BAHCC1: variants seen among roughly 807,000 people sequenced by gnomAD.
The protein encoded by BAHCC1 is BAH domain and coiled-coil containing 1.
BAHCC1 carries 43 observed loss-of-function variants against 88.2 expected under a neutral mutation model. The ratio of observed to expected loss-of-function variants is 0.49; its 90% CI spans 0.38 to 0.63. The LOEUF is 0.63. Among genes scored for constraint, BAHCC1 ranks in the 20% least tolerant of loss-of-function variants. BAHCC1 has a pLI of 0.00. For synonymous variants in BAHCC1, 1,510 were observed against 745.5 expected (o/e 2.03, Z -16.71); for missense variants, 3,023 against 1,654.8 (o/e 1.83, Z -14.34).
At chr17:81,419,931 C>T (rs2064095935) in intron 2 of BAHCC1, among the ~76,000 whole-genome samples, 1 of 152,160 alleles carries the variant, frequency 6.6e-6, no homozygotes, top group South Asian at 2.1e-4. Flanking sequence ...GCCCTGCCGT[C>T]CTCTTGTTCC....
Position 81,399,128 on chromosome 17 carries a change from AGTGTGTGT to A in BAHCC1, c.-206-388_-206-381del, listed in dbSNP as rs375191474. On this transcript the variant is annotated intron_variant, in intron 1 of 27. Coordinates refer to ENST00000675386, the MANE Select transcript of BAHCC1 (RefSeq NM_001377448.1). This position sits in a 1 kb window ranked among gnomAD's most constrained non-coding sequence, Gnocchi z 4.5. ...GGGGAGGGGAGAGGGTGTGCGTGTGAGTGTGTGTGTGTGTGTGTGTGTGTGCGAGTGTG... is the reference window on the plus strand; with the variant it reads ...GGGGAGGGGAGAGGGTGTGCGTGTGAGTGTGTGTGTGTGTGTGCGAGTGTG... 2.1e-3 allele frequency: 488 copies of A among 231,516 alleles called. No homozygotes were observed. The highest frequency in any genetic ancestry group is 4.0e-3 in the African/African-American group (152 of 38,192). The allele number at this position is 231,516 out of a possible 1,614,324, so 14.3% of individuals were successfully genotyped here. A position where few individuals can be genotyped will look rare whatever the true frequency, so the allele number is the denominator to read the frequency against.
At chr17:81,401,473 A>G (rs2063816146) in intron 2 of BAHCC1, 1 of 152,696 alleles carries the variant, frequency 6.5e-6, no homozygotes, top group African/African-American at 2.4e-5. Flanking sequence ...ATTTAAAAAT[A>G]TCTCTTCTGC....
intron 2 of BAHCC1, chr17:81,406,843 G>A (rs1555646984): frequency 4.4e-6 from 2 of 455,892 alleles, no homozygotes; most frequent in African/African-American, 4.0e-5. Flanking sequence ...CTCGGGTCTG[G>A]TGGGGAGGCG....
intron 16 of BAHCC1, among the ~76,000 whole-genome samples, chr17:81,456,886 G>A (rs1488447473): frequency 2.6e-5 from 4 of 152,022 alleles, no homozygotes; most frequent in African/African-American, 7.3e-5. Context: ...CCCTCTCAAC[G>A]GCCCCAGCCC....
chr17:81,423,333 G>T (rs1487888062), intron 2 of BAHCC1, among the ~76,000 whole-genome samples: 1 of 152,224 alleles, frequency 6.6e-6, no homozygotes, highest in Admixed American at 6.5e-5. Flanking sequence ...TGCCAGGGCC[G>T]TGCAGGGCAG....
intron 26 of BAHCC1, among the ~76,000 whole-genome samples, chr17:81,462,344 T>C (rs2030372766): frequency 6.6e-6 from 1 of 152,206 alleles, no homozygotes; most frequent in African/African-American, 2.4e-5. Flanking sequence ...ATAAGTGGCG[T>C]GGCCAGCTGG....
Position 81,460,341 on chromosome 17 carries a change from A to C in BAHCC1, c.5970A>C (p.Thr1990=), listed in dbSNP as rs140985022. 3,302 of 776,234 alleles carry C rather than the reference A, an allele frequency of 4.3e-3. 107 individuals are homozygous for C. In the African/African-American group the frequency reaches 0.049, roughly 11 times the overall value. 48.1% of individuals were successfully genotyped at this position (776,234 alleles called of 1,614,324 possible). A position where few individuals can be genotyped will look rare whatever the true frequency, so the allele number is the denominator to read the frequency against. The stretch of plus-strand genomic sequence containing the variant: ...TGGTGGAATTTGACGATGGGGATAC[A>C]GGCCACATCGCCGTCTCCAACGTCA... ...SVVVEFDDGD[T]GHIAVSNVRL... Residue 1990 remains threonine, a synonymous_variant, in exon 24 of 28, where the codon ACA becomes ACC. Transcript: ENST00000675386.
intron 2 of BAHCC1, among the ~76,000 whole-genome samples, chr17:81,404,017 T>A (rs1555646494): frequency 6.6e-6 from 1 of 152,264 alleles, no homozygotes; most frequent in Non-Finnish European, 1.5e-5. Flanking sequence ...AGAACGGCGT[T>A]GTGCAAATAG....
chr17:81,456,631 G>T, intron 16 of BAHCC1, 46 bp downstream of exon 16: 1 of 671,186 alleles, frequency 1.5e-6, no homozygotes, highest in Non-Finnish European at 2.7e-6. Flanking sequence ...CCCGGTCATG[G>T]TCGCTCGGGG....
chr17:81,450,651 C>T (rs782352096), intron 11 of BAHCC1, among the ~76,000 whole-genome samples: 1 of 152,198 alleles, frequency 6.6e-6, no homozygotes. Flanking sequence ...GTTCAGAGAC[C>T]GGGCAGGGGC....
chr17:81,426,952 C>G lies in BAHCC1; in HGVS notation c.331C>G (p.Gln111Glu), dbSNP rs2064207566. 1 of 398,644 alleles carries G rather than the reference C, an allele frequency of 2.5e-6. No homozygotes were observed. The highest frequency in any genetic ancestry group is 4.4e-6 in the Non-Finnish European group (1 of 226,164). The allele number at this position is 398,644 out of a possible 1,614,324, so 24.7% of individuals were successfully genotyped here. A position where few individuals can be genotyped will look rare whatever the true frequency, so the allele number is the denominator to read the frequency against. Residue 111 changes from glutamine (Q) to glutamate (E), a missense_variant, in exon 3 of 28, where the codon CAG (glutamine) becomes GAG (glutamate). Transcript: ENST00000675386. ...CCGTGGCTCCCACCCCACCACCTCCCAGATCTGGTTCTCCCACTCCCACGA... is the reference window on the plus strand; with the variant it reads ...CCGTGGCTCCCACCCCACCACCTCCGAGATCTGGTTCTCCCACTCCCACGA... Reference protein sequence around the residue: ...AYRGSHPTTSQIWFSHSHEAP... With the variant: ...AYRGSHPTTSEIWFSHSHEAP...
At chr17:81,429,843 C>A (rs1159360018) in intron 3 of BAHCC1, among the ~76,000 whole-genome samples, 6 of 152,200 alleles carry the variant, frequency 3.9e-5, no homozygotes, top group African/African-American at 1.4e-4. Context: ...CCCAGGAACC[C>A]CCCATGCCAA....
chr17:81,442,792 C>T lies in BAHCC1; in HGVS notation c.1443C>T (p.Pro481=), dbSNP rs781914861. The T allele has an allele frequency of 3.6e-5, 28 of 779,418 alleles. No homozygotes were observed. Among genetic ancestry groups the T allele is most frequent in the Admixed American group, 6.8e-5 (4 of 59,020 alleles). The allele number at this position is 779,418 out of a possible 1,614,324, so 48.3% of individuals were successfully genotyped here. A position where few individuals can be genotyped will look rare whatever the true frequency, so the allele number is the denominator to read the frequency against. Residue 481 remains proline, a synonymous_variant, in exon 5 of 28, where the codon CCC becomes CCT. Coordinates refer to ENST00000675386, the MANE Select transcript of BAHCC1 (RefSeq NM_001377448.1). ...GCGCAGGCCCCGAGGCCTCCTTCCCCGGACTCCCTAAAAGCGGTCTGGACA... is the reference window on the plus strand; with the variant it reads ...GCGCAGGCCCCGAGGCCTCCTTCCCTGGACTCCCTAAAAGCGGTCTGGACA... The part of the protein sequence containing the change: ...LSSAGPEASF[P]GLPKSGLDKS...
At chr17:81,417,566 G>A (rs200379320) in intron 2 of BAHCC1, among the ~76,000 whole-genome samples, 2 of 55,232 alleles carry the variant, frequency 3.6e-5, no homozygotes, top group Middle Eastern at 8.6e-3. Flanking sequence ...CCCCCCCCCC[G>A]CCCTAGCCAA....
chr17:81,434,745 G>C lies in BAHCC1; in HGVS notation c.359-3625G>C, dbSNP rs946727088. The stretch of plus-strand genomic sequence containing the variant: ...GGGATGCTCCCTGGAAGGGCAGCCT[G>C]GGGGGTGGGTTGTGGCCACCTCCCC... On this transcript the variant is annotated intron_variant, in intron 3 of 27. Transcript: ENST00000675386. This position sits in a 1 kb window ranked among gnomAD's most constrained non-coding sequence, Gnocchi z 4.9. 1.3e-5 allele frequency among the ~76,000 whole-genome samples: 2 copies of C among 152,086 alleles called. No individual in the cohort carries two copies. Among genetic ancestry groups the C allele is most frequent in the Admixed American group, 6.5e-5 (1 of 15,282 alleles).
chr17:81,438,950 C>G (rs1418553835), intron 4 of BAHCC1, among the ~76,000 whole-genome samples: 2 of 152,244 alleles, frequency 1.3e-5, no homozygotes, highest in Admixed American at 6.5e-5. Flanking sequence ...ACCTGGGCTG[C>G]ACGAGGCCCA....
chr17:81,446,627 C>G (rs2064533400), intron 10 of BAHCC1: 2 of 340,046 alleles, frequency 5.9e-6, no homozygotes, highest in Non-Finnish European at 1.2e-5. Flanking sequence ...TGGTTCACTG[C>G]AGCCTCGGCC....
At position 81,443,446 on chromosome 17, in the gene BAHCC1, G is replaced by A. The variant is rs1379425189; in HGVS notation, c.2097G>A (p.Arg699=). Residue 699 remains arginine, a synonymous_variant, in exon 5 of 28, where the codon CGG becomes CGA. Transcript: ENST00000675386. ...CCACGCACGGCGACGGGGAGGTGCG[G>A]CAGCCCCCTGTGGGCATTGCAGTGG... ...HDTTHGDGEV[R]QPPVGIAVAL... The A allele has an allele frequency of 2.3e-5, 17 of 743,526 alleles. No individual in the cohort carries two copies. The highest frequency in any genetic ancestry group is 4.0e-5 in the Non-Finnish European group (16 of 400,538). The allele number at this position is 743,526 out of a possible 1,614,324, so 46.1% of individuals were successfully genotyped here.
rs116751049 is a variant in BAHCC1, at chr17:81,445,935, C to T, written c.3163+254C>T. On this transcript the variant is annotated intron_variant, in intron 10 of 27. Transcript: ENST00000675386. ...CGAAGGCGGGAGGAAGACGGGGTCCCGCTGGCTGTCGTAGGGGCCCTCCAG... is the reference window on the plus strand; with the variant it reads ...CGAAGGCGGGAGGAAGACGGGGTCCTGCTGGCTGTCGTAGGGGCCCTCCAG... Among the ~76,000 whole-genome samples, 1,008 of 152,370 alleles carry T rather than the reference C, an allele frequency of 6.6e-3. 9 individuals are homozygous for T. Among genetic ancestry groups the T allele is most frequent in the African/African-American group, 0.022 (931 of 41,594 alleles).
Sources: gnomAD v4.1 joint callset for allele counts (sites outside exome capture counted in the v4.1 genomes callset) on GRCh38, gnomAD v4.1.1 for gene constraint, Gnocchi (gnomAD v3.1) non-coding constraint, MANE v1.5 for transcripts, NCBI Gene and HGNC (gene_info 2026-07-23, HGNC 2026-07-21) for gene names.